Variants in CHD2 observed in about 807,000 individuals in gnomAD.
The protein encoded by CHD2 is chromodomain helicase DNA binding protein 2, also known as ATP-dependent chromatin remodeler CHD2.
Under a neutral mutation model 243.9 loss-of-function variants are expected in CHD2, and 28 were observed. That is an observed-to-expected ratio of 0.11 (90% CI 0.09 to 0.16). The LOEUF is 0.16. Among genes scored for constraint, CHD2 ranks in the 10% least tolerant of loss-of-function variants. The pLI is 1.00. For missense variants in CHD2, 1,386 were observed against 2,209.8 expected (o/e 0.63, Z 7.47); for synonymous variants, 775 against 779.0 (o/e 0.99, Z 0.09).
chr15:92,956,432 G>T (rs774245910), intron 15 of CHD2, 27 bp from the exon 16 acceptor site: 2 of 1,590,836 alleles, frequency 1.3e-6, no homozygotes, highest in African/African-American at 1.4e-5. Flanking sequence ...TGACCTGGTG[G>T]CTCGTTCTGT....
At chr15:92,953,236 T>C in intron 13 of CHD2, 121 bp from the exon 14 acceptor site, 1 of 718,372 alleles carries the variant, frequency 1.4e-6, no homozygotes, top group Non-Finnish European at 2.3e-6. Context: ...CATTTGAGGC[T>C]TATGAATGAC....
chr15:92,955,966 G>A (rs1596406774), intron 15 of CHD2, among the ~76,000 whole-genome samples: 1 of 152,174 alleles, frequency 6.6e-6, no homozygotes, highest in East Asian at 1.9e-4. Flanking sequence ...TGGTCTTTGT[G>A]AGGAGGACAA....
chr15:92,901,041 T>C (rs562428004), intron 1 of CHD2, 126 bp from the exon 2 acceptor site: 26 of 587,666 alleles, frequency 4.4e-5, no homozygotes, highest in East Asian at 2.1e-4. Flanking sequence ...AATAGAAATA[T>C]TTAGTTTTTT....
chr15:93,009,534 ATTAAT>A, intron 35 of CHD2, among the ~76,000 whole-genome samples: 1 of 152,260 alleles, frequency 6.6e-6, no homozygotes. Context: ...GGACGATGTC[ATTAAT>A]TTATTTTATG....
intron 37 of CHD2, among the ~76,000 whole-genome samples, chr15:93,017,246 CTT>C (rs2054473278): frequency 6.6e-6 from 1 of 152,110 alleles, no homozygotes; most frequent in African/African-American, 2.4e-5. Context: ...TCTCTTAACT[CTT>C]TGAGGTTTTC....
At chr15:92,973,962 C>A (rs527751904) in intron 19 of CHD2, 1 of 152,186 alleles carries the variant, frequency 6.6e-6, no homozygotes, top group Admixed American at 6.5e-5. Context: ...TGTCAGTTGA[C>A]TTGAGTTAGG....
In CHD2 at chr15:92,937,558, C is replaced by G; in HGVS notation, c.484C>G (p.Gln162Glu). ...KQEPSEDEQE[Q>E]GTSAESEPEQ... ...GGAACCCTCAGAAGATGAACAGGAA[C>G]AAGGCACCAGTGCAGAGAGTGAGCC... Residue 162 changes from glutamine to glutamate, a missense_variant, in exon 6 of 39, where the codon CAA (glutamine) becomes GAA (glutamate). Gln to Glu is a conservative substitution (Grantham distance 29). Around this residue, in one of 19 missense-constraint regions of CHD2, gnomAD observed 90 missense variants for 78.0 expected, o/e 1.15. Coordinates refer to ENST00000394196, the MANE Select transcript of CHD2 (RefSeq NM_001271.4). 6.2e-7 allele frequency: 1 copy of G among 1,613,198 alleles called. No individual in the cohort carries two copies. The highest frequency in any genetic ancestry group is 8.5e-7 in the Non-Finnish European group (1 of 1,179,562).
chr15:92,922,144 C>A (rs2141740318), intron 2 of CHD2, among the ~76,000 whole-genome samples: 1 of 152,142 alleles, frequency 6.6e-6, no homozygotes, highest in Non-Finnish European at 1.5e-5. Context: ...CTTTTGGCCC[C>A]CTATGGTAAA....
chr15:92,900,785 GTAGA>G lies in CHD2; in HGVS notation c.-107_-104del, dbSNP rs2052518116. The G allele has an allele frequency of 5.1e-6, 2 of 395,154 alleles. No individual in the cohort carries two copies. Among genetic ancestry groups the G allele is most frequent in the East Asian group, 3.6e-5 (1 of 27,884 alleles). 24.5% of individuals were successfully genotyped at this position (395,154 alleles called of 1,614,324 possible). On this transcript the variant is annotated 5_prime_UTR_variant, in exon 1 of 39. Transcript: ENST00000394196. Reference sequence around the variant, plus strand: ...TTTGGGATCTGATATTTTTCTACTAGTAGATAGGACTCTTGGTTTGGACATACTA... The same window carrying G: ...TTTGGGATCTGATATTTTTCTACTAGTAGGACTCTTGGTTTGGACATACTA...
chr15:92,995,513 CAG>C (rs1357665865), intron 28 of CHD2, among the ~76,000 whole-genome samples: 2 of 152,084 alleles, frequency 1.3e-5, no homozygotes, highest in African/African-American at 4.8e-5. Flanking sequence ...CCTTCTTACA[CAG>C]AAGAGAACAT....
At chr15:92,934,384 C>G (rs185888465) in intron 5 of CHD2, among the ~76,000 whole-genome samples, 7 of 151,766 alleles carry the variant, frequency 4.6e-5, no homozygotes, top group Admixed American at 6.6e-5. Flanking sequence ...CTCAAAATTT[C>G]GGGAAAAATT....
In CHD2 at chr15:92,998,432, T is replaced by C. The variant is rs1596447738; in HGVS notation, c.3886-67T>C. On this transcript the variant is annotated intron_variant, in intron 30 of 38. Coordinates refer to ENST00000394196, the MANE Select transcript of CHD2 (RefSeq NM_001271.4). The surrounding 1 kb of genome is among the most constrained non-coding windows in gnomAD (Gnocchi z 5.1). ...GACTGTGCTCAGTTTTTGTTGTCTCTGTTTATCCTGATCCACTAACCAGGA... is the reference window on the plus strand; with the variant it reads ...GACTGTGCTCAGTTTTTGTTGTCTCCGTTTATCCTGATCCACTAACCAGGA... 1 of 1,602,356 alleles carries C rather than the reference T, an allele frequency of 6.2e-7. No homozygotes were observed. The highest frequency in any genetic ancestry group is 8.5e-7 in the Non-Finnish European group (1 of 1,172,892).
At chr15:92,921,880 A>T (rs2052962697) in intron 2 of CHD2, among the ~76,000 whole-genome samples, 1 of 152,172 alleles carries the variant, frequency 6.6e-6, no homozygotes, top group Non-Finnish European at 1.5e-5. Context: ...CACAGCTTTT[A>T]AGTGTTCCTA....
chr15:92,952,906 A>G (rs1001190454), intron 13 of CHD2, among the ~76,000 whole-genome samples: 4 of 152,360 alleles, frequency 2.6e-5, no homozygotes, highest in African/African-American at 9.6e-5. Context: ...GGTCTAGGAA[A>G]TAGTGTGGGT....
chr15:92,950,414 C>G (rs1234227671), intron 13 of CHD2: 1 of 152,174 alleles, frequency 6.6e-6, no homozygotes, highest in Non-Finnish European at 1.5e-5. Context: ...ATTTTGCTGT[C>G]CTTACAGAAC....
intron 35 of CHD2, among the ~76,000 whole-genome samples, chr15:93,009,982 C>T (rs1423745383): frequency 1.3e-5 from 2 of 152,214 alleles, no homozygotes; most frequent in South Asian, 2.1e-4. Flanking sequence ...ACCCATCACC[C>T]GAGCAGTGCA....
chr15:92,904,522 T>C (rs1033229595), intron 2 of CHD2: 49 of 996,542 alleles, frequency 4.9e-5, no homozygotes, highest in Middle Eastern at 2.8e-4. Context: ...GTTGGGACTT[T>C]CCGGTGGGCG....
chr15:92,927,472 A>C, intron 4 of CHD2, 142 bp downstream of exon 4: 1 of 571,670 alleles, frequency 1.7e-6, no homozygotes, highest in East Asian at 2.9e-5. Flanking sequence ...ATCTATGACC[A>C]GATACAGTAA....
intron 24 of CHD2, among the ~76,000 whole-genome samples, chr15:92,983,860 AAATG>A (rs2054009581): frequency 6.6e-6 from 1 of 152,222 alleles, no homozygotes; most frequent in African/African-American, 2.4e-5. Flanking sequence ...TTTTTGATAA[AAATG>A]AATAAAGCAA....
Sources: allele counts gnomAD v4.1 joint callset (sites outside exome capture counted in the v4.1 genomes callset), GRCh38; gene constraint gnomAD v4.1.1; regional missense constraint gnomAD v4.1.1; non-coding constraint Gnocchi (gnomAD v3.1); transcripts MANE v1.5; gene names NCBI Gene and HGNC (gene_info 2026-07-23, HGNC 2026-07-21).